Variants in TGFB3 observed in about 807,000 individuals in gnomAD.
TGFB3 encodes transforming growth factor beta 3.
In TGFB3, 5 loss-of-function variants were observed where a neutral mutation model predicts 40.1. That is an observed-to-expected ratio of 0.12 (90% confidence interval 0.07 to 0.26). TGFB3 has a LOEUF of 0.26. Among genes scored for constraint, TGFB3 ranks in the 10% least tolerant of loss-of-function variants. The probability of loss-of-function intolerance (pLI) is 1.00; values close to 1 mark genes in which losing one functional copy is unlikely to be tolerated. For missense variants in TGFB3, 373 were observed against 530.1 expected, an observed-to-expected ratio of 0.70 and a Z score of 2.91; for synonymous variants, 184 against 205.6, an observed-to-expected ratio of 0.89 and a Z score of 0.90.
chr14:75,961,076 G>A lies in TGFB3; in HGVS notation c.927C>T (p.Arg309=). 6.2e-7 allele frequency: 1 copy of A among 1,614,154 alleles called. No homozygotes were observed. The highest frequency in any genetic ancestry group is 8.5e-7 in the Non-Finnish European group (1 of 1,180,026). ...KRALDTNYCF[R]NLEENCCVRP... ...GCACACAGCAGTTCTCCTCCAAGTTGCTACAACAAAAAACATTTATAGAAA... is the reference window on the plus strand; with the variant it reads ...GCACACAGCAGTTCTCCTCCAAGTTACTACAACAAAAAACATTTATAGAAA... Residue 309 remains arginine (R), a splice_region_variant and synonymous_variant, in exon 6 of 7, where the codon CGC becomes CGT. Transcript: ENST00000238682.
At chr14:75,966,144 G>A (rs1199022680) in intron 3 of TGFB3, 1 of 263,722 alleles carries the variant, frequency 3.8e-6, no homozygotes. Context: ...GGGACTGGAA[G>A]AGACTACGGA....
intron 5 of TGFB3, 28 bp from the exon 6 acceptor site, chr14:75,961,104 CAACTT>C: frequency 6.2e-7 from 1 of 1,613,482 alleles, no homozygotes. Context: ...TATAGAAAAT[CAACTT>C]AAAACCACCA....
chr14:75,974,546 G>A (rs1232819061), intron 1 of TGFB3, among the ~76,000 whole-genome samples: 1 of 151,802 alleles, frequency 6.6e-6, no homozygotes, highest in African/African-American at 2.4e-5. Flanking sequence ...GGACACAATT[G>A]CTAGTGATTA....
Position 75,959,358 on chromosome 14 carries a change from A to G in TGFB3, c.1081-13T>C. The stretch of plus-strand genomic sequence containing the variant: ...ACAGTCCCAGCACCTGGGAAGGGAC[A>G]TGTCAGTGAGAGGTTGGAAGGCCAA... On this transcript the variant is annotated splice_polypyrimidine_tract_variant and intron_variant, in intron 6 of 6. Transcript: ENST00000238682. The G allele has an allele frequency of 1.2e-6, 2 of 1,613,850 alleles. No individual in the cohort carries two copies. Among genetic ancestry groups the G allele is most frequent in the Non-Finnish European group, 1.7e-6 (2 of 1,179,870 alleles).
Position 75,958,932 on chromosome 14 carries a change from G to A in TGFB3, c.*255C>T, listed in dbSNP as rs4252347. 2.5e-3 allele frequency: 1,245 copies of A among 493,258 alleles called. 16 individuals are homozygous for A. The highest frequency in any genetic ancestry group is 0.021 in the African/African-American group (1,085 of 51,440). The allele number at this position is 493,258 out of a possible 1,614,324, so 30.6% of individuals were successfully genotyped here. Reference sequence around the variant, plus strand: ...CTCTATCCCCATCCCCTCTGTCTGCGTCACAGAAAGTCTGTGTGTTCTGAA... The same window carrying A: ...CTCTATCCCCATCCCCTCTGTCTGCATCACAGAAAGTCTGTGTGTTCTGAA... On this transcript the variant is annotated 3_prime_UTR_variant, in exon 7 of 7. Transcript: ENST00000238682.
chr14:75,963,903 G>A (rs1225821716), intron 4 of TGFB3, among the ~76,000 whole-genome samples: 1 of 152,082 alleles, frequency 6.6e-6, no homozygotes, highest in Admixed American at 6.5e-5. Flanking sequence ...TTGAGACAGA[G>A]TCTCGCTCTG....
chr14:75,974,581 A>G (rs2035329811), intron 1 of TGFB3, among the ~76,000 whole-genome samples: 1 of 152,044 alleles, frequency 6.6e-6, no homozygotes, highest in Non-Finnish European at 1.5e-5. Flanking sequence ...CCTGGGCAAC[A>G]AGGTGAAACC....
chr14:75,959,845 A>G lies in TGFB3; in HGVS notation c.1081-500T>C, dbSNP rs141288876. On this transcript the variant is annotated intron_variant, in intron 6 of 6. Transcript: ENST00000238682. Reference sequence around the variant, plus strand: ...AGTTGTGTAGTTGCTGTTCATCCACAATGACAGAAGCAGAACAACTGCACT... The same window carrying G: ...AGTTGTGTAGTTGCTGTTCATCCACGATGACAGAAGCAGAACAACTGCACT... 5.3e-3 allele frequency among the ~76,000 whole-genome samples: 797 copies of G among 151,436 alleles called. 7 individuals are homozygous for G. The highest frequency in any genetic ancestry group is 0.02 in the South Asian group (95 of 4,786).
chr14:75,982,122 C>T (rs536941744), upstream of TGFB3, among the ~76,000 whole-genome samples: 12 of 152,218 alleles, frequency 7.9e-5, no homozygotes, highest in Non-Finnish European at 1.3e-4. This position sits in a 1 kb window ranked among gnomAD's most constrained non-coding sequence, Gnocchi z 4.0. Context: ...TAAACAGGCA[C>T]AGGAAAAGCC....
chr14:75,973,570 C>A (rs752841968), intron 1 of TGFB3, among the ~76,000 whole-genome samples: 3 of 152,202 alleles, frequency 2.0e-5, no homozygotes, highest in Non-Finnish European at 4.4e-5. Context: ...AAGCTACTTG[C>A]ATTGGCAACC....
chr14:75,963,293 T>C, intron 5 of TGFB3, 23 bp downstream of exon 5: 1 of 1,613,828 alleles, frequency 6.2e-7, no homozygotes, highest in South Asian at 1.1e-5. Flanking sequence ...TAGATGTTGG[T>C]TCCCATGTGG....
upstream of TGFB3, among the ~76,000 whole-genome samples, chr14:75,982,261 C>A (rs2035445018): frequency 6.6e-6 from 1 of 152,228 alleles, no homozygotes; most frequent in African/African-American, 2.4e-5. This position sits in a 1 kb window ranked among gnomAD's most constrained non-coding sequence, Gnocchi z 4.0. Flanking sequence ...TGAGCCCCCT[C>A]CCTCCCTTTC....
At chr14:75,963,221 C>G in intron 5 of TGFB3, 95 bp downstream of exon 5, 2 of 1,366,224 alleles carry the variant, frequency 1.5e-6, no homozygotes, top group Non-Finnish European at 2.1e-6. Flanking sequence ...GCATCAGGGA[C>G]CCTCTGTTGA....
rs1263227418 is a variant in TGFB3 at position 75,978,982 on chromosome 14, T to C, written c.352+1560A>G. On this transcript the variant is annotated intron_variant, in intron 1 of 6. Coordinates refer to ENST00000238682, the MANE Select transcript of TGFB3 (RefSeq NM_003239.5). This position sits in a 1 kb window ranked among gnomAD's most constrained non-coding sequence, Gnocchi z 5.0. ...ATGCTTGTGGTCACTATCTCCCGCG[T>C]TGGTGGGTTCCCAGGGAGTTGGAGC... Among the ~76,000 whole-genome samples, 3 of 152,148 alleles carry C rather than the reference T, an allele frequency of 2.0e-5. No individual in the cohort carries two copies. Among genetic ancestry groups the C allele is most frequent in the Admixed American group, 6.5e-5 (1 of 15,282 alleles).
chr14:75,972,184 A>G (rs1278875163), intron 1 of TGFB3, among the ~76,000 whole-genome samples: 1 of 152,232 alleles, frequency 6.6e-6, no homozygotes, highest in Non-Finnish European at 1.5e-5. Context: ...GCATAGTGCT[A>G]ACCTTGGGAA....
intron 1 of TGFB3, among the ~76,000 whole-genome samples, chr14:75,974,346 T>G (rs1030514052): frequency 6.6e-6 from 1 of 151,956 alleles, no homozygotes; most frequent in Non-Finnish European, 1.5e-5. Flanking sequence ...ATTTTAAGGT[T>G]TCAAGAAAGA....
At chr14:75,973,100 G>A (rs930852410) in intron 1 of TGFB3, among the ~76,000 whole-genome samples, 1 of 152,228 alleles carries the variant, frequency 6.6e-6, no homozygotes, top group African/African-American at 2.4e-5. Flanking sequence ...CAAGGTCTGA[G>A]CAGTATTAAC....
chr14:75,959,463 G>A, intron 6 of TGFB3, 118 bp from the exon 7 acceptor site: 1 of 1,256,856 alleles, frequency 8.0e-7, no homozygotes. Flanking sequence ...ATGGCCACGG[G>A]TGCTCTTTAA....
chr14:75,977,656 CAA>C (rs1196922250), intron 1 of TGFB3, among the ~76,000 whole-genome samples: 37 of 67,322 alleles, frequency 5.5e-4, no homozygotes, highest in Admixed American at 9.9e-4. Context: ...ATCTCCCGGG[CAA>C]AAAAAAAAAA....
Sources: gnomAD v4.1 joint callset for allele counts (sites outside exome capture counted in the v4.1 genomes callset) on GRCh38, gnomAD v4.1.1 for gene constraint, Gnocchi (gnomAD v3.1) non-coding constraint, MANE v1.5 for transcripts, NCBI Gene and HGNC (gene_info 2026-07-23, HGNC 2026-07-21) for gene names.